PHF24: variants seen among roughly 807,000 people sequenced by gnomAD.
PHF24 encodes the protein Galpha inhibitory interacting protein.
In PHF24, 25 loss-of-function variants were observed where a neutral mutation model predicts 42.6. That is an observed-to-expected ratio of 0.59 (90% confidence interval 0.43 to 0.82). The LOEUF is 0.82. Among genes scored for constraint, PHF24 ranks in the 40% least tolerant of loss-of-function variants. PHF24 has a pLI of 0.00. For missense variants in PHF24, 470 were observed against 538.1 expected, an observed-to-expected ratio of 0.87 and a Z score of 1.25; for synonymous variants, 185 against 204.8, an observed-to-expected ratio of 0.90 and a Z score of 0.83.
the PHF24 span, among the ~76,000 whole-genome samples, chr9:34,886,255 T>TAA: frequency 6.9e-3 from 953 of 137,332 alleles, 8 homozygotes; most frequent in East Asian, 0.034. Context: ...TCTCCTGTCT[T>TAA]AAAAAAAAAA....
chr9:34,772,891 C>A, the PHF24 span, among the ~76,000 whole-genome samples: 4 of 152,040 alleles, frequency 2.6e-5, no homozygotes, highest in African/African-American at 9.7e-5. Context: ...TGTATATATA[C>A]CGGTTAGTAT....
At chr9:34,680,504 C>T in the PHF24 span, among the ~76,000 whole-genome samples, 5 of 151,064 alleles carry the variant, frequency 3.3e-5, no homozygotes, top group Admixed American at 6.6e-5. Context: ...CTGGCTAAAA[C>T]GGTGAAACCC....
At chr9:34,825,927 G>A in the PHF24 span, among the ~76,000 whole-genome samples, 1 of 152,136 alleles carries the variant, frequency 6.6e-6, no homozygotes, top group African/African-American at 2.4e-5. Context: ...TGCCTGCCCA[G>A]GGACCCGCCC....
chr9:34,883,110 G>C, the PHF24 span, among the ~76,000 whole-genome samples: 2 of 152,148 alleles, frequency 1.3e-5, no homozygotes, highest in Non-Finnish European at 2.9e-5. Flanking sequence ...ACAAGCAATG[G>C]GGAAAGGATT....
the PHF24 span, chr9:34,709,702 A>C: frequency 6.2e-7 from 1 of 1,613,498 alleles, no homozygotes; most frequent in Non-Finnish European, 8.5e-7. Context: ...GGGGCTAGTA[A>C]GCCTTCTTAG....
the PHF24 span, among the ~76,000 whole-genome samples, chr9:34,825,625 AC>A: frequency 7.4e-6 from 1 of 134,882 alleles, no homozygotes; most frequent in African/African-American, 3.9e-5. Context: ...GTCCTTGAAC[AC>A]CCAAGGACTC....
the PHF24 span, among the ~76,000 whole-genome samples, chr9:34,934,327 C>T: frequency 6.6e-6 from 1 of 152,090 alleles, no homozygotes; most frequent in African/African-American, 2.4e-5. Context: ...TACAGAGTGC[C>T]GTACAAATGC....
the PHF24 span, among the ~76,000 whole-genome samples, chr9:34,742,823 T>C: frequency 6.6e-6 from 1 of 152,242 alleles, no homozygotes. Context: ...AGTCACACTT[T>C]AACAAGACAA....
At chr9:34,911,703 A>G in the PHF24 span, among the ~76,000 whole-genome samples, 4 of 152,274 alleles carry the variant, frequency 2.6e-5, no homozygotes, top group South Asian at 8.3e-4. Context: ...TGTTTATCAA[A>G]TTTAAGATTT....
chr9:34,680,239 G>A, the PHF24 span, among the ~76,000 whole-genome samples: 1 of 152,138 alleles, frequency 6.6e-6, no homozygotes, highest in South Asian at 2.1e-4. Flanking sequence ...GCCAAGCATG[G>A]TGGGGGGTGC....
chr9:34,682,738 A>T, the PHF24 span, among the ~76,000 whole-genome samples: 1 of 152,176 alleles, frequency 6.6e-6, no homozygotes, highest in Admixed American at 6.5e-5. Flanking sequence ...TAGGACTTGG[A>T]CACATGACCT....
the PHF24 span, among the ~76,000 whole-genome samples, chr9:34,831,967 C>T: frequency 6.6e-6 from 1 of 152,190 alleles, no homozygotes; most frequent in African/African-American, 2.4e-5. Flanking sequence ...AGCACCTCCT[C>T]AAGGAGGGAA....
chr9:34,824,297 T>A, the PHF24 span, among the ~76,000 whole-genome samples: 1 of 152,170 alleles, frequency 6.6e-6, no homozygotes, highest in Non-Finnish European at 1.5e-5. Context: ...CCAAACAAGA[T>A]GCCCCATGGA....
the PHF24 span, chr9:34,728,798 C>CT: frequency 2.5e-6 from 2 of 791,958 alleles, no homozygotes; most frequent in East Asian, 5.5e-5. Flanking sequence ...CTTCCTTTGC[C>CT]TATTCCACCT....
chr9:34,921,394 A>T, the PHF24 span, among the ~76,000 whole-genome samples: 1 of 152,278 alleles, frequency 6.6e-6, no homozygotes, highest in Admixed American at 6.5e-5. Flanking sequence ...CCTAAAAAAA[A>T]AGTTAAATAC....
chr9:34,921,601 G>T, the PHF24 span, among the ~76,000 whole-genome samples: 1 of 152,188 alleles, frequency 6.6e-6, no homozygotes, highest in East Asian at 1.9e-4. Context: ...AACCGTTTCT[G>T]CCCTTATCCA....
At chr9:34,802,445 T>C in the PHF24 span, among the ~76,000 whole-genome samples, 4 of 152,180 alleles carry the variant, frequency 2.6e-5, no homozygotes, top group Non-Finnish European at 5.9e-5. Flanking sequence ...ATTTGCATCA[T>C]AGCAAGGTAA....
At chr9:34,700,610 A>G in the PHF24 span, among the ~76,000 whole-genome samples, 1 of 152,174 alleles carries the variant, frequency 6.6e-6, no homozygotes, top group African/African-American at 2.4e-5. Context: ...GGGCATATTA[A>G]TGGAAATGTT....
chr9:34,909,684 C>T, the PHF24 span, among the ~76,000 whole-genome samples: 17 of 150,894 alleles, frequency 1.1e-4, no homozygotes, highest in African/African-American at 2.9e-4. Context: ...TGCAGTGGCG[C>T]GATCTCGGCT....
Sources: gnomAD v4.1 joint callset for allele counts (sites outside exome capture counted in the v4.1 genomes callset) on GRCh38, gnomAD v4.1.1 for gene constraint, MANE v1.5 for transcripts, NCBI Gene and HGNC (gene_info 2026-07-23, HGNC 2026-07-21) for gene names.